GRIA4: variants seen among roughly 807,000 people sequenced by gnomAD.
The protein encoded by GRIA4 is glutamate ionotropic receptor AMPA type subunit 4, also known as glutamate receptor 4.
A neutral mutation model predicts 104.0 loss-of-function variants in GRIA4; 34 were observed. The ratio of observed to expected loss-of-function variants is 0.33; its 90% CI spans 0.25 to 0.44. GRIA4 has a LOEUF of 0.44. Ranked by LOEUF, GRIA4 falls within the 20% of genes least tolerant of loss-of-function variation. GRIA4 has a pLI of 1.00. For missense variants in GRIA4, 750 were observed against 1,096.5 expected (o/e 0.68, Z 4.46); for synonymous variants, 386 against 381.9 (o/e 1.01, Z -0.13).
chr11:105,981,094 A>G lies in GRIA4; in HGVS notation c.*1355A>G, dbSNP rs555351613. The G allele has an allele frequency of 2.6e-5, 4 of 152,784 alleles. No individual in the cohort carries two copies. The highest frequency in any genetic ancestry group is 4.4e-5 in the Non-Finnish European group (3 of 68,030). The allele number at this position is 152,784 out of a possible 1,614,324, so 9.5% of individuals were successfully genotyped here. A position where few individuals can be genotyped will look rare whatever the true frequency, so the allele number is the denominator to read the frequency against. ...TGGGGTAGATAACAAATGAAGAATT[A>G]GTCTTTGTTTTCAACTGGAAATTGT... On this transcript the variant is annotated 3_prime_UTR_variant, in exon 17 of 17. Coordinates refer to ENST00000282499, the MANE Select transcript of GRIA4 (RefSeq NM_000829.4).
At chr11:105,735,466 A>G (rs180904909) in intron 3 of GRIA4, among the ~76,000 whole-genome samples, 3 of 152,310 alleles carry the variant, frequency 2.0e-5, no homozygotes, top group Admixed American at 2.0e-4. Context: ...ATTTCATAAA[A>G]TATAGTTTAA....
At chr11:105,734,437 C>A (rs1938806263) in intron 3 of GRIA4, among the ~76,000 whole-genome samples, 1 of 152,126 alleles carries the variant, frequency 6.6e-6, no homozygotes, top group South Asian at 2.1e-4. Context: ...ACTGCAATAC[C>A]AGGATCAAGT....
At chr11:105,904,884 T>TA (rs1646660180) in intron 8 of GRIA4, among the ~76,000 whole-genome samples, 1 of 152,134 alleles carries the variant, frequency 6.6e-6, no homozygotes, top group African/African-American at 2.4e-5. Context: ...AAAGTAACCA[T>TA]AAAAAATTGC....
At chr11:105,632,974 T>C (rs1186697131) in intron 3 of GRIA4, among the ~76,000 whole-genome samples, 3 of 152,120 alleles carry the variant, frequency 2.0e-5, no homozygotes, top group Non-Finnish European at 2.9e-5. Flanking sequence ...TCTTGAGAAT[T>C]GTAACTTGGG....
chr11:105,978,442 C>T (rs999431137), intron 16 of GRIA4, among the ~76,000 whole-genome samples: 7 of 151,898 alleles, frequency 4.6e-5, no homozygotes, highest in Non-Finnish European at 1.0e-4. Flanking sequence ...TTGATTTTGT[C>T]ATTTATATGT....
intron 3 of GRIA4, among the ~76,000 whole-genome samples, chr11:105,698,789 G>C (rs370778780): frequency 6.6e-6 from 1 of 152,148 alleles, no homozygotes; most frequent in Non-Finnish European, 1.5e-5. Flanking sequence ...TGATCCACAC[G>C]CAGGTGTGGC....
In GRIA4 at chr11:105,804,354, GCACA is replaced by G. The variant is rs35265620; in HGVS notation, c.487+51154_487+51157del. On this transcript the variant is annotated intron_variant, in intron 4 of 16. Transcript: ENST00000282499. ...TTTATTAAAACACACAAACACACATGCACACACACACACACACACACACGCACTA... is the reference window on the plus strand; with the variant it reads ...TTTATTAAAACACACAAACACACATGCACACACACACACACACACGCACTA... Among the ~76,000 whole-genome samples the G allele has an allele frequency of 3.1e-3, 457 of 147,978 alleles. 1 individual carries two copies. The highest frequency in any genetic ancestry group is 0.01 in the African/African-American group (423 of 40,414).
chr11:105,697,129 C>A (rs1484555229), intron 3 of GRIA4, among the ~76,000 whole-genome samples: 1 of 152,104 alleles, frequency 6.6e-6, no homozygotes, highest in Non-Finnish European at 1.5e-5. Context: ...ATACTTGTTA[C>A]TTTATTATTT....
intron 3 of GRIA4, among the ~76,000 whole-genome samples, chr11:105,693,279 G>C (rs922366357): frequency 2.0e-5 from 3 of 152,106 alleles, no homozygotes; most frequent in African/African-American, 4.8e-5. Flanking sequence ...CTCCACTCTT[G>C]CATCTGTTCA....
chr11:105,672,306 T>A (rs759110081), intron 3 of GRIA4, among the ~76,000 whole-genome samples: 92 of 152,202 alleles, frequency 6.0e-4, no homozygotes, highest in Non-Finnish European at 7.6e-4. Context: ...CCAAGTGCTA[T>A]GGGAAGATCA....
In GRIA4 at chr11:105,720,421, T is replaced by C. The variant is rs80082711; in HGVS notation, c.248-32560T>C. 2.9e-3 allele frequency among the ~76,000 whole-genome samples: 445 copies of C among 152,242 alleles called. 1 individual carries two copies. Among genetic ancestry groups the C allele is most frequent in the Non-Finnish European group, 4.3e-3 (290 of 68,012 alleles). On this transcript the variant is annotated intron_variant, in intron 3 of 16. Coordinates refer to ENST00000282499, the MANE Select transcript of GRIA4 (RefSeq NM_000829.4). ...GAAATCTTTCTTGTATCTGTGATTCTATCCAAACCGAGAAAAGAAAATATG... is the reference window on the plus strand; with the variant it reads ...GAAATCTTTCTTGTATCTGTGATTCCATCCAAACCGAGAAAAGAAAATATG...
chr11:105,691,639 T>C (rs1050560062), intron 3 of GRIA4, among the ~76,000 whole-genome samples: 7 of 152,012 alleles, frequency 4.6e-5, no homozygotes, highest in African/African-American at 1.7e-4. Flanking sequence ...CAACACATGT[T>C]AAAAAGTAAA....
At chr11:105,804,254 T>C (rs1200384408) in intron 4 of GRIA4, among the ~76,000 whole-genome samples, 35 of 151,944 alleles carry the variant, frequency 2.3e-4, no homozygotes, top group African/African-American at 7.2e-5. Context: ...AGACATGTTA[T>C]GATGTAAAGC....
chr11:105,806,767 A>G (rs1436281359), intron 4 of GRIA4, among the ~76,000 whole-genome samples: 1 of 151,852 alleles, frequency 6.6e-6, no homozygotes, highest in Non-Finnish European at 1.5e-5. Flanking sequence ...AAGTCCGAAC[A>G]CTTTAACGAG....
chr11:105,905,614 C>T (rs1013604327), intron 9 of GRIA4, among the ~76,000 whole-genome samples: 3 of 151,992 alleles, frequency 2.0e-5, no homozygotes, highest in Admixed American at 1.3e-4. Context: ...GAAGAGAACA[C>T]GAAGCAGTAA....
intron 3 of GRIA4, among the ~76,000 whole-genome samples, chr11:105,736,860 G>C (rs565300684): frequency 6.6e-6 from 1 of 152,096 alleles, no homozygotes; most frequent in South Asian, 2.1e-4. Flanking sequence ...TAAGATTATA[G>C]TGATTATTGT....
chr11:105,900,954 AT>A (rs1313995127), intron 7 of GRIA4, among the ~76,000 whole-genome samples: 2 of 100,060 alleles, frequency 2.0e-5, no homozygotes, highest in Non-Finnish European at 4.3e-5. Context: ...AGAACTAAAA[AT>A]ATATATATAT....
In GRIA4 at chr11:105,981,592, A is replaced by ACACACACAC. The variant is rs765255898; in HGVS notation, c.*1853_*1854insCACACACAC. 666 of 46,156 alleles carry ACACACACAC rather than the reference A, an allele frequency of 0.014. 6 individuals carry two copies. The highest frequency in any genetic ancestry group is 0.022 in the African/African-American group (319 of 14,240). The allele number at this position is 46,156 out of a possible 1,614,324, so 2.9% of individuals were successfully genotyped here. On this transcript the variant is annotated 3_prime_UTR_variant, in exon 17 of 17. Coordinates refer to ENST00000282499, the MANE Select transcript of GRIA4 (RefSeq NM_000829.4). ...ACACACACACACACACACACACACA[A>ACACACACAC]GTCCCTCAGGAAAAATTCCAAGCTC...
chr11:105,842,361 G>T (rs575957677), intron 4 of GRIA4, among the ~76,000 whole-genome samples: 43 of 152,282 alleles, frequency 2.8e-4, no homozygotes, highest in African/African-American at 1.0e-3. Flanking sequence ...AACACGATTA[G>T]TGTGACTGCT....
Sources: allele counts gnomAD v4.1 joint callset (sites outside exome capture counted in the v4.1 genomes callset), GRCh38; gene constraint gnomAD v4.1.1; transcripts MANE v1.5; gene names NCBI Gene and HGNC (gene_info 2026-07-23, HGNC 2026-07-21).